Variants in MAML3 observed in about 807,000 individuals in gnomAD.
The protein encoded by MAML3 is mastermind like transcriptional coactivator 3, also known as mastermind-like protein 3.
A neutral mutation model predicts 101.9 loss-of-function variants in MAML3; 27 were observed. That is an observed-to-expected ratio of 0.27 (90% confidence interval 0.20 to 0.37). The LOEUF (loss-of-function observed/expected upper bound fraction) is 0.37. MAML3 is among the 10% of genes least tolerant of loss of function. MAML3 has a pLI of 1.00. For missense variants in MAML3, 1,316 were observed against 1,444.9 expected, an observed-to-expected ratio of 0.91 and a Z score of 1.45; for synonymous variants, 501 against 555.9, an observed-to-expected ratio of 0.90 and a Z score of 1.39.
In MAML3 at chr4:139,992,747, C is replaced by T. The variant is rs527616777; in HGVS notation, c.469-101780G>A. Among the ~76,000 whole-genome samples the T allele has an allele frequency of 3.9e-3, 590 of 152,094 alleles. 1 individual carries two copies. The highest frequency in any genetic ancestry group is 5.4e-3 in the Non-Finnish European group (366 of 67,976). On this transcript the variant is annotated intron_variant, in intron 1 of 4. Coordinates refer to ENST00000509479, the MANE Select transcript of MAML3 (RefSeq NM_018717.5). ...TAATTTTTTGTATTTTTAGTAGAGA[C>T]GGGGTTTCACCATGTTGGCCAGGAT...
chr4:139,858,148 T>A (rs1214927242), intron 2 of MAML3, among the ~76,000 whole-genome samples: 1 of 152,190 alleles, frequency 6.6e-6, no homozygotes, highest in Admixed American at 6.5e-5. Context: ...AGTGCTACCA[T>A]TATTCCTATT....
chr4:139,764,227 C>G (rs943410684), intron 2 of MAML3, among the ~76,000 whole-genome samples: 2 of 152,338 alleles, frequency 1.3e-5, no homozygotes, highest in African/African-American at 4.8e-5. Context: ...GACGAGCAAA[C>G]CTTTTCCATC....
At chr4:139,937,186 A>T (rs1733523929) in intron 1 of MAML3, among the ~76,000 whole-genome samples, 1 of 152,200 alleles carries the variant, frequency 6.6e-6, no homozygotes, top group Non-Finnish European at 1.5e-5. Flanking sequence ...AATGAATTAA[A>T]TCTGTATAAT....
chr4:139,989,947 A>T (rs1275889624), intron 1 of MAML3, among the ~76,000 whole-genome samples: 1 of 151,896 alleles, frequency 6.6e-6, no homozygotes, highest in Non-Finnish European at 1.5e-5. Context: ...GAATAATTTA[A>T]ATATTTTAAA....
intron 1 of MAML3, among the ~76,000 whole-genome samples, chr4:140,089,060 A>G (rs1390285519): frequency 6.6e-6 from 1 of 152,138 alleles, no homozygotes; most frequent in Non-Finnish European, 1.5e-5. Flanking sequence ...TACTCCCACA[A>G]ATTTGTTTTT....
intron 1 of MAML3, among the ~76,000 whole-genome samples, chr4:140,003,010 T>A (rs1003178664): frequency 6.6e-6 from 1 of 152,188 alleles, no homozygotes; most frequent in Admixed American, 6.5e-5. Context: ...ACTAACAATT[T>A]GGATGTCCAG....
chr4:139,776,837 T>C (rs1396410611), intron 2 of MAML3, among the ~76,000 whole-genome samples: 1 of 152,200 alleles, frequency 6.6e-6, no homozygotes, highest in Non-Finnish European at 1.5e-5. Flanking sequence ...GACACTGTTA[T>C]TTGACTTCTG....
chr4:140,108,474 G>A (rs1206354914), intron 1 of MAML3, among the ~76,000 whole-genome samples: 1 of 151,592 alleles, frequency 6.6e-6, no homozygotes, highest in Non-Finnish European at 1.5e-5. Context: ...TCTGAAGTCA[G>A]GCATACCACA....
intron 2 of MAML3, among the ~76,000 whole-genome samples, chr4:139,755,104 C>T (rs1156244784): frequency 2.0e-5 from 3 of 152,350 alleles, no homozygotes; most frequent in South Asian, 2.1e-4. Context: ...TGAAAAGGCA[C>T]GTCTTTATTC....
At chr4:140,067,462 G>A (rs1194064432) in intron 1 of MAML3, among the ~76,000 whole-genome samples, 1 of 152,114 alleles carries the variant, frequency 6.6e-6, no homozygotes, top group Non-Finnish European at 1.5e-5. Context: ...TGCTAACAAT[G>A]TCTATATGTA....
intron 1 of MAML3, among the ~76,000 whole-genome samples, chr4:140,014,389 T>G (rs1480198950): frequency 6.6e-6 from 1 of 152,212 alleles, no homozygotes; most frequent in Non-Finnish European, 1.5e-5. Flanking sequence ...AAAGATTAGT[T>G]ACATGTTTAT....
In MAML3 at chr4:140,137,322, A is replaced by G. The variant is rs1444922975; in HGVS notation, c.468+15538T>C. 2.0e-5 allele frequency among the ~76,000 whole-genome samples: 3 copies of G among 152,298 alleles called. No individual in the cohort carries two copies. The South Asian group carries it at 6.2e-4, about 32-fold the overall frequency. On this transcript the variant is annotated intron_variant, in intron 1 of 4. Coordinates refer to ENST00000509479, the MANE Select transcript of MAML3 (RefSeq NM_018717.5). The stretch of plus-strand genomic sequence containing the variant: ...TTTTTTAAACTATAAACAAAGTTTA[A>G]TTTTTTTCAAAAAGTCACAAAAGTA...
chr4:140,033,969 G>A (rs1006562022), intron 1 of MAML3, among the ~76,000 whole-genome samples: 13 of 152,018 alleles, frequency 8.6e-5, no homozygotes, highest in Non-Finnish European at 1.2e-4. Context: ...GTTTTTTGAC[G>A]ACTAACCACC....
intron 2 of MAML3, among the ~76,000 whole-genome samples, chr4:139,819,617 C>G (rs1730943607): frequency 6.6e-6 from 1 of 152,122 alleles, no homozygotes; most frequent in Non-Finnish European, 1.5e-5. Context: ...ATACTGCCAC[C>G]CGATAAGTGG....
intron 1 of MAML3, among the ~76,000 whole-genome samples, chr4:140,133,782 A>G (rs1728835922): frequency 6.6e-6 from 1 of 152,188 alleles, no homozygotes; most frequent in Non-Finnish European, 1.5e-5. Context: ...CCTAGTGAGT[A>G]AGCTAGGTCT....
chr4:139,909,856 A>AAAAAAAAAAT, intron 1 of MAML3, among the ~76,000 whole-genome samples: 1 of 150,476 alleles, frequency 6.6e-6, no homozygotes, highest in Non-Finnish European at 1.5e-5. Flanking sequence ...AAAAAAAAAA[A>AAAAAAAAAAT]AAGATAAGGC....
Position 140,067,175 on chromosome 4 carries a change from T to A in MAML3, c.468+85685A>T, listed in dbSNP as rs113754290. On this transcript the variant is annotated intron_variant, in intron 1 of 4. Coordinates refer to ENST00000509479, the MANE Select transcript of MAML3 (RefSeq NM_018717.5). ...AAGTCACTAAATGATTCAGCCCTAG[T>A]GGGCCATTCAGAACAAATTTTAGGG... 7.3e-3 allele frequency among the ~76,000 whole-genome samples: 1,106 copies of A among 151,840 alleles called. 14 individuals carry two copies. Among genetic ancestry groups the A allele is most frequent in the African/African-American group, 0.025 (1,055 of 41,428 alleles).
intron 1 of MAML3, 65 bp downstream of exon 1, chr4:140,152,795 C>A: frequency 6.4e-7 from 1 of 1,560,844 alleles, no homozygotes; most frequent in Non-Finnish European, 8.7e-7. Context: ...AGAAGCTCCA[C>A]GCGCCCCCCA....
intron 1 of MAML3, among the ~76,000 whole-genome samples, chr4:140,074,145 A>G (rs886896708): frequency 3.3e-4 from 47 of 141,688 alleles, no homozygotes; most frequent in African/African-American, 1.2e-3. Context: ...AGAAAAAGAA[A>G]GAAAGAAAGA....
Sources: allele counts gnomAD v4.1 joint callset (sites outside exome capture counted in the v4.1 genomes callset), GRCh38; gene constraint gnomAD v4.1.1; transcripts MANE v1.5; gene names NCBI Gene and HGNC (gene_info 2026-07-23, HGNC 2026-07-21).